The following DENND1A variants were observed in gnomAD, a reference collection of about 807,000 sequenced individuals.
DENND1A encodes the protein DENN domain containing 1A.
DENND1A carries 51 observed loss-of-function variants against 113.7 expected under a neutral mutation model. That is an observed-to-expected ratio of 0.45 (90% confidence interval 0.36 to 0.57). DENND1A has a LOEUF of 0.57. DENND1A is among the 20% of genes least tolerant of loss of function. The probability of loss-of-function intolerance (pLI) is 0.00; values close to 1 mark genes in which losing one functional copy is unlikely to be tolerated. For missense variants in DENND1A, 1,258 were observed against 1,395.9 expected (o/e 0.90, Z 1.57); for synonymous variants, 565 against 570.8 (o/e 0.99, Z 0.14).
chr9:123,701,715 C>T (rs530887859), intron 5 of DENND1A, among the ~76,000 whole-genome samples: 29 of 152,308 alleles, frequency 1.9e-4, no homozygotes, highest in African/African-American at 6.3e-4. Context: ...AGTGCTGTAC[C>T]AGCCTTGGTA....
chr9:123,626,538 T>A (rs1052707601), intron 10 of DENND1A, among the ~76,000 whole-genome samples: 1 of 152,122 alleles, frequency 6.6e-6, no homozygotes, highest in Non-Finnish European at 1.5e-5. Context: ...GTGTGTTTTG[T>A]TCCTTGTCCT....
chr9:123,392,284 C>A (rs1251292920), intron 21 of DENND1A, among the ~76,000 whole-genome samples: 1 of 152,138 alleles, frequency 6.6e-6, no homozygotes, highest in Non-Finnish European at 1.5e-5. Context: ...GCACGTCACG[C>A]TGGCCCAAAA....
chr9:123,881,022 G>A (rs1055395348), intron 1 of DENND1A, among the ~76,000 whole-genome samples: 1 of 152,156 alleles, frequency 6.6e-6, no homozygotes, highest in Non-Finnish European at 1.5e-5. Context: ...TTTCGGGGGT[G>A]TAAAATCGTC....
chr9:123,419,210 G>A (rs2045017541), intron 19 of DENND1A, among the ~76,000 whole-genome samples: 1 of 152,226 alleles, frequency 6.6e-6, no homozygotes, highest in South Asian at 2.1e-4. Context: ...GCTGGTGAGG[G>A]GAGGCCAAGA....
intron 7 of DENND1A, among the ~76,000 whole-genome samples, chr9:123,669,893 C>T (rs1175691761): frequency 6.6e-6 from 1 of 152,180 alleles, no homozygotes; most frequent in Non-Finnish European, 1.5e-5. Context: ...CTCTCCCTCT[C>T]CTTCCACACG....
intron 5 of DENND1A, among the ~76,000 whole-genome samples, chr9:123,726,180 T>C (rs540445848): frequency 6.6e-6 from 1 of 152,376 alleles, no homozygotes; most frequent in South Asian, 2.1e-4. Flanking sequence ...GCAACCTTTA[T>C]TAATGGCCTA....
intron 13 of DENND1A, among the ~76,000 whole-genome samples, chr9:123,547,355 C>A (rs1475989320): frequency 6.6e-6 from 1 of 152,168 alleles, no homozygotes; most frequent in African/African-American, 2.4e-5. Flanking sequence ...CAGGGAGAAA[C>A]CCTGTTTCTA....
At chr9:123,761,037 A>G (rs2070995522) in intron 4 of DENND1A, among the ~76,000 whole-genome samples, 1 of 152,210 alleles carries the variant, frequency 6.6e-6, no homozygotes, top group Non-Finnish European at 1.5e-5. Flanking sequence ...CGATGAAAAG[A>G]AAACACCCAG....
At chr9:123,743,164 G>T (rs1035144732) in intron 5 of DENND1A, among the ~76,000 whole-genome samples, 2 of 152,054 alleles carry the variant, frequency 1.3e-5, no homozygotes, top group Admixed American at 1.3e-4. Context: ...CAGCACTTTG[G>T]GAGGTTGAGA....
At chr9:123,748,487 T>C (rs1222421931) in intron 5 of DENND1A, among the ~76,000 whole-genome samples, 1 of 152,184 alleles carries the variant, frequency 6.6e-6, no homozygotes, top group African/African-American at 2.4e-5. Flanking sequence ...ATTGCAGTCT[T>C]ATGGGGCCTC....
At chr9:123,490,212 A>G (rs2051250530) in intron 13 of DENND1A, among the ~76,000 whole-genome samples, 1 of 152,260 alleles carries the variant, frequency 6.6e-6, no homozygotes, top group African/African-American at 2.4e-5. Flanking sequence ...TAGTTCAAAC[A>G]AAAGAATAAT....
At chr9:123,597,546 G>T (rs763632665) in intron 11 of DENND1A, among the ~76,000 whole-genome samples, 1 of 152,092 alleles carries the variant, frequency 6.6e-6, no homozygotes, top group Non-Finnish European at 1.5e-5. Flanking sequence ...CACCCAAAAG[G>T]TCTGCAGAGT....
At chr9:123,533,022 C>A (rs902685177) in intron 13 of DENND1A, among the ~76,000 whole-genome samples, 2 of 152,172 alleles carry the variant, frequency 1.3e-5, no homozygotes, top group African/African-American at 4.8e-5. Context: ...ACACATAGGA[C>A]ATTTTATGTA....
intron 13 of DENND1A, 128 bp from the exon 14 acceptor site, chr9:123,458,025 G>T (rs1457169697): frequency 6.1e-6 from 4 of 656,628 alleles, no homozygotes; most frequent in Non-Finnish European, 1.0e-5. Flanking sequence ...TTTTGAGATG[G>T]AGTCTCACTC....
chr9:123,724,484 G>C (rs914683863), intron 5 of DENND1A, among the ~76,000 whole-genome samples: 1 of 148,372 alleles, frequency 6.7e-6, no homozygotes, highest in African/African-American at 2.5e-5. Context: ...GAGGAGAAGA[G>C]AGAAATAAAA....
At chr9:123,839,619 CT>C (rs749355457) in intron 2 of DENND1A, among the ~76,000 whole-genome samples, 2 of 152,176 alleles carry the variant, frequency 1.3e-5, no homozygotes, top group Non-Finnish European at 2.9e-5. Context: ...AATTTATCAT[CT>C]AATAATAATT....
At chr9:123,447,758 A>G (rs1336630644) in intron 18 of DENND1A, among the ~76,000 whole-genome samples, 1 of 151,572 alleles carries the variant, frequency 6.6e-6, no homozygotes, top group Admixed American at 6.6e-5. Flanking sequence ...ATTCGTTGCC[A>G]GATAAAGGGG....
chr9:123,856,108 G>A (rs899806553), intron 2 of DENND1A, among the ~76,000 whole-genome samples: 13 of 152,126 alleles, frequency 8.5e-5, no homozygotes, highest in African/African-American at 3.1e-4. Flanking sequence ...TAAGTCAATG[G>A]CAATGAATTG....
chr9:123,439,411 T>C lies in DENND1A; in HGVS notation c.1488+949A>G, dbSNP rs551782587. ...ACCTGGAGCAAGAATTTTGTGAGTT[T>C]CGTTCATTTCTGAATAGCTCAATGC... On this transcript the variant is annotated intron_variant, in intron 19 of 23. Coordinates refer to ENST00000394215, the MANE Select transcript of DENND1A (RefSeq NM_001352964.2). Among the ~76,000 whole-genome samples, 11 of 152,330 alleles carry C rather than the reference T, an allele frequency of 7.2e-5. No homozygotes were observed. In the Middle Eastern group the frequency reaches 0.01, roughly 141 times the overall value.
Sources: gnomAD v4.1 joint callset for allele counts (sites outside exome capture counted in the v4.1 genomes callset) on GRCh38, gnomAD v4.1.1 for gene constraint, MANE v1.5 for transcripts, NCBI Gene and HGNC (gene_info 2026-07-23, HGNC 2026-07-21) for gene names.